NRG3: variants seen among roughly 807,000 people sequenced by gnomAD.
NRG3 encodes the protein neuregulin 3, also known as pro-neuregulin-3, membrane-bound isoform.
NRG3 carries 31 observed loss-of-function variants against 66.9 expected under a neutral mutation model. That is an observed-to-expected ratio of 0.46 (90% CI 0.35 to 0.63). The LOEUF (loss-of-function observed/expected upper bound fraction) is 0.63. NRG3 is among the 20% of genes least tolerant of loss of function. NRG3 has a pLI of 0.00. For missense variants in NRG3, 910 were observed against 878.9 expected (o/e 1.04, Z -0.45); for synonymous variants, 393 against 359.4 (o/e 1.09, Z -1.06).
chr10:82,898,014 T>G (rs1843827772), intron 4 of NRG3, among the ~76,000 whole-genome samples: 2 of 152,184 alleles, frequency 1.3e-5, no homozygotes, highest in African/African-American at 4.8e-5. Flanking sequence ...CTAGGGACCC[T>G]TCCAACTTCA....
chr10:82,935,875 G>C (rs1442138755), intron 4 of NRG3, among the ~76,000 whole-genome samples: 1 of 141,562 alleles, frequency 7.1e-6, no homozygotes, highest in Non-Finnish European at 1.5e-5. Flanking sequence ...ATAATACTGA[G>C]CAAAAAAAAA....
At chr10:82,605,821 C>T (rs1196122178) in intron 2 of NRG3, among the ~76,000 whole-genome samples, 1 of 151,876 alleles carries the variant, frequency 6.6e-6, no homozygotes, top group Non-Finnish European at 1.5e-5. Context: ...ACCTATTTCT[C>T]CTTCTGTGAG....
At chr10:82,020,825 A>G (rs113717822) in intron 1 of NRG3, among the ~76,000 whole-genome samples, 1 of 152,052 alleles carries the variant, frequency 6.6e-6, no homozygotes, top group Non-Finnish European at 1.5e-5. Flanking sequence ...GTCACTTCCA[A>G]TCCGGTTGCA....
At chr10:82,831,791 G>A (rs1386025857) in intron 3 of NRG3, among the ~76,000 whole-genome samples, 1 of 152,024 alleles carries the variant, frequency 6.6e-6, no homozygotes, top group Admixed American at 6.6e-5. Flanking sequence ...TCCAGCCTGG[G>A]TGACAAAAAA....
At chr10:82,031,842 A>G (rs1475598413) in intron 1 of NRG3, among the ~76,000 whole-genome samples, 3 of 152,040 alleles carry the variant, frequency 2.0e-5, no homozygotes, top group African/African-American at 4.8e-5. Flanking sequence ...CTTCCCCACA[A>G]GTAGACTTTG....
intron 4 of NRG3, among the ~76,000 whole-genome samples, chr10:82,948,860 G>A (rs1226962884): frequency 6.6e-6 from 1 of 152,060 alleles, no homozygotes; most frequent in Non-Finnish European, 1.5e-5. Context: ...TGCAAACAAA[G>A]ACAACTTTTC....
chr10:82,103,252 T>C (rs1225486479), intron 1 of NRG3, among the ~76,000 whole-genome samples: 1 of 152,194 alleles, frequency 6.6e-6, no homozygotes, highest in East Asian at 1.9e-4. Context: ...TTTGTGGCTC[T>C]TTTCAGACAT....
chr10:82,946,413 C>A (rs1170769706), intron 4 of NRG3, among the ~76,000 whole-genome samples: 2 of 151,908 alleles, frequency 1.3e-5, no homozygotes, highest in Non-Finnish European at 2.9e-5. Flanking sequence ...GTGGCACGCA[C>A]CTGTAGTCCC....
intron 4 of NRG3, among the ~76,000 whole-genome samples, chr10:82,943,923 G>C (rs186220923): frequency 3.3e-4 from 50 of 152,224 alleles, no homozygotes; most frequent in Admixed American, 2.8e-3. Context: ...AAACATACTT[G>C]ATATTGCCTT....
intron 2 of NRG3, among the ~76,000 whole-genome samples, chr10:82,717,474 A>G (rs770569765): frequency 9.2e-4 from 124 of 135,460 alleles, no homozygotes; most frequent in Non-Finnish European, 1.4e-3. Context: ...ATCTTGGCTC[A>G]CTGCAAGCTC....
chr10:82,625,299 AAG>A (rs2049339773), intron 2 of NRG3, among the ~76,000 whole-genome samples: 1 of 147,200 alleles, frequency 6.8e-6, no homozygotes, highest in Admixed American at 6.8e-5. Flanking sequence ...TTAGTTAGAA[AAG>A]AAAAAAAAAT....
At chr10:81,985,490 A>G (rs2060485413) in intron 1 of NRG3, among the ~76,000 whole-genome samples, 1 of 152,228 alleles carries the variant, frequency 6.6e-6, no homozygotes, top group South Asian at 2.1e-4. Flanking sequence ...TATAATCGCT[A>G]TCAATGATAT....
intron 2 of NRG3, among the ~76,000 whole-genome samples, chr10:82,661,920 C>A (rs2052391213): frequency 6.6e-6 from 1 of 152,200 alleles, no homozygotes; most frequent in African/African-American, 2.4e-5. Flanking sequence ...AAACTCAGAT[C>A]TACAGACGCC....
intron 2 of NRG3, among the ~76,000 whole-genome samples, chr10:82,677,145 G>A (rs1465500250): frequency 2.7e-5 from 4 of 149,630 alleles, no homozygotes; most frequent in East Asian, 2.0e-4. Flanking sequence ...CTACAATCTC[G>A]GGCTCAAGCT....
At chr10:82,341,926 T>C (rs1262450264) in intron 1 of NRG3, among the ~76,000 whole-genome samples, 1 of 152,072 alleles carries the variant, frequency 6.6e-6, no homozygotes, top group East Asian at 1.9e-4. Context: ...GTTCCTGTTC[T>C]ATTGATCTGT....
intron 2 of NRG3, among the ~76,000 whole-genome samples, chr10:82,707,562 TG>T (rs1315265614): frequency 4.4e-5 from 2 of 45,416 alleles, no homozygotes; most frequent in Non-Finnish European, 7.8e-5. Context: ...GTTAATTGTT[TG>T]TTTTTGTTTT....
chr10:82,495,811 G>GACACACACACACACAC lies in NRG3; in HGVS notation c.953+136959_953+136974dup, dbSNP rs55671097. ...GTATGTTCCAATGTTTTAGAGTGCAGACACACACACACACACACACACACA... is the reference window on the plus strand; with the variant it reads ...GTATGTTCCAATGTTTTAGAGTGCAGACACACACACACACACACACACACACACACACACACACACA... On this transcript the variant is annotated intron_variant, in intron 2 of 8. Coordinates refer to ENST00000372141, the MANE Select transcript of NRG3 (RefSeq NM_001010848.4). 5.4e-3 allele frequency among the ~76,000 whole-genome samples: 788 copies of GACACACACACACACAC among 144,884 alleles called. 7 individuals are homozygous for GACACACACACACACAC. Among genetic ancestry groups the GACACACACACACACAC allele is most frequent in the African/African-American group, 9.4e-3 (363 of 38,668 alleles).
intron 2 of NRG3, among the ~76,000 whole-genome samples, chr10:82,364,242 AG>A (rs1400655281): frequency 1.3e-5 from 2 of 152,176 alleles, no homozygotes; most frequent in Non-Finnish European, 2.9e-5. Context: ...TTCCAGATTA[AG>A]CACTACTAAG....
At chr10:82,836,544 A>T (rs946304166) in intron 3 of NRG3, among the ~76,000 whole-genome samples, 1 of 152,156 alleles carries the variant, frequency 6.6e-6, no homozygotes, top group Admixed American at 6.6e-5. Context: ...ATAACTGAAC[A>T]CAATACCTTT....
Sources: gnomAD v4.1 joint callset for allele counts (sites outside exome capture counted in the v4.1 genomes callset) on GRCh38, gnomAD v4.1.1 for gene constraint, MANE v1.5 for transcripts, NCBI Gene and HGNC (gene_info 2026-07-23, HGNC 2026-07-21) for gene names.